PAG1: variants seen among roughly 807,000 people sequenced by gnomAD.
The protein encoded by PAG1 is phosphoprotein associated with glycosphingolipid-enriched microdomains 1.
Under a neutral mutation model 31.7 loss-of-function variants are expected in PAG1, and 23 were observed. The ratio of observed to expected loss-of-function variants is 0.73; its 90% CI spans 0.52 to 1.03. PAG1 has a LOEUF of 1.03. Among genes scored for constraint, PAG1 ranks in the 50% least tolerant of loss-of-function variants. The probability of loss-of-function intolerance (pLI) is 0.00; values close to 1 mark genes in which losing one functional copy is unlikely to be tolerated. For synonymous variants in PAG1, 214 were observed against 210.3 expected (o/e 1.02, Z -0.15); for missense variants, 473 against 540.7 (o/e 0.87, Z 1.24).
In PAG1 at chr8:80,976,757, A is replaced by C; in HGVS notation, c.1086T>G (p.Val362=). 1 of 1,614,122 alleles carries C rather than the reference A, an allele frequency of 6.2e-7. No individual in the cohort carries two copies. Among genetic ancestry groups the C allele is most frequent in the Non-Finnish European group, 8.5e-7 (1 of 1,179,990 alleles). The change falls in exon 9 of 9, where the codon GTT becomes GTG. Residue 362 remains valine (V), a synonymous_variant. Coordinates refer to ENST00000220597, the MANE Select transcript of PAG1 (RefSeq NM_018440.4). The part of the protein sequence containing the change: ...PSSCNDLYAT[V]KDFEKTPNST... ...TGTTTGGAGTTTTTTCGAAGTCTTT[A>C]ACAGTAGCATAGAGATCATTACAGG...
intron 1 of PAG1, among the ~76,000 whole-genome samples, chr8:81,107,207 C>A (rs2131139224): frequency 6.6e-6 from 1 of 152,244 alleles, no homozygotes; most frequent in Non-Finnish European, 1.5e-5. Flanking sequence ...GTGAACTAAG[C>A]TTAAGCTCTT....
At position 80,991,054 on chromosome 8, in the gene PAG1, C is replaced by T. The variant is rs572638246; in HGVS notation, c.177+425G>A. ...GATGAAGGCAGAATTTGGGGTGATG[C>T]CTGTACAAACCAAGTCACACCCAAA... is the stretch of plus-strand genomic sequence containing the variant. On this transcript the variant is annotated intron_variant, in intron 5 of 8. Coordinates refer to ENST00000220597, the MANE Select transcript of PAG1 (RefSeq NM_018440.4). Among the ~76,000 whole-genome samples, 3 of 152,160 alleles carry T rather than the reference C, an allele frequency of 2.0e-5. No individual in the cohort carries two copies. The East Asian group carries it at 5.8e-4, about 29-fold the overall frequency.
intron 2 of PAG1, among the ~76,000 whole-genome samples, chr8:81,045,250 T>C (rs1485734265): frequency 6.6e-6 from 1 of 152,218 alleles, no homozygotes; most frequent in Non-Finnish European, 1.5e-5. Flanking sequence ...ACTCCACTGA[T>C]AATGGCTGAA....
chr8:80,980,561 T>C (rs1278866823), intron 7 of PAG1, 67 bp from the exon 8 acceptor site: 17 of 994,778 alleles, frequency 1.7e-5, no homozygotes, highest in Non-Finnish European at 2.4e-5. Context: ...CTTTTGCACA[T>C]GTTTCCTCAT....
At chr8:80,985,956 T>G (rs1807410430) in intron 6 of PAG1, among the ~76,000 whole-genome samples, 1 of 106,030 alleles carries the variant, frequency 9.4e-6, no homozygotes, top group Non-Finnish European at 1.7e-5. Flanking sequence ...TACCTCAAAT[T>G]AGAAAAAAAC....
chr8:81,018,222 T>C (rs1808104381), intron 3 of PAG1, among the ~76,000 whole-genome samples: 1 of 152,256 alleles, frequency 6.6e-6, no homozygotes, highest in African/African-American at 2.4e-5. Flanking sequence ...TTATTGACTA[T>C]ATTGAATAAC....
At chr8:81,003,280 G>A (rs764473783) in intron 3 of PAG1, among the ~76,000 whole-genome samples, 37 of 152,144 alleles carry the variant, frequency 2.4e-4, no homozygotes, top group African/African-American at 7.2e-4. Flanking sequence ...AGTCTGGAGC[G>A]GGGCTCAAGA....
intron 1 of PAG1, among the ~76,000 whole-genome samples, chr8:81,099,424 T>C (rs996073570): frequency 1.3e-5 from 2 of 152,202 alleles, no homozygotes; most frequent in African/African-American, 4.8e-5. Context: ...CACATTCCAC[T>C]CTTACACATG....
At chr8:81,044,697 G>A (rs966338324) in intron 2 of PAG1, among the ~76,000 whole-genome samples, 2 of 152,116 alleles carry the variant, frequency 1.3e-5, no homozygotes, top group African/African-American at 4.8e-5. Flanking sequence ...ACACACTGAT[G>A]CACAGCCTCA....
intron 3 of PAG1, among the ~76,000 whole-genome samples, chr8:81,022,663 A>G (rs912363461): frequency 2.0e-5 from 3 of 152,214 alleles, no homozygotes; most frequent in African/African-American, 7.2e-5. Context: ...ATTTCAAAAT[A>G]GTATGAATAT....
chr8:80,998,072 A>G (rs1015351058), intron 3 of PAG1, among the ~76,000 whole-genome samples: 2 of 151,770 alleles, frequency 1.3e-5, no homozygotes, highest in African/African-American at 4.8e-5. Context: ...GTTTTAATGC[A>G]TAAGTGATTT....
At chr8:81,003,694 G>C (rs1328119720) in intron 3 of PAG1, among the ~76,000 whole-genome samples, 6 of 151,976 alleles carry the variant, frequency 3.9e-5, no homozygotes, top group African/African-American at 1.5e-4. Context: ...AGAAGCTAAG[G>C]GTTCTTTTGA....
At chr8:81,092,575 T>G (rs1234504482) in intron 1 of PAG1, among the ~76,000 whole-genome samples, 1 of 152,252 alleles carries the variant, frequency 6.6e-6, no homozygotes. Flanking sequence ...CTCTACAGAT[T>G]CAGCAACATT....
rs555613066 is a variant in PAG1 at position 81,023,594 on chromosome 8, G to GGA, written c.-81+6400_-81+6401dup. Among the ~76,000 whole-genome samples the GGA allele has an allele frequency of 1.7e-3, 263 of 150,810 alleles. 5 individuals are homozygous for GGA. The East Asian group carries it at 0.042, about 24-fold the overall frequency. On this transcript the variant is annotated intron_variant, in intron 3 of 8. Coordinates refer to ENST00000220597, the MANE Select transcript of PAG1 (RefSeq NM_018440.4). Reference sequence around the variant, plus strand: ...TGTCAGCTTATCAGGAACAATGTAAGGAGAGAGAGAGAGAGAAAGAGAGAG... The same window carrying GGA: ...TGTCAGCTTATCAGGAACAATGTAAGGAGAGAGAGAGAGAGAGAAAGAGAGAG...
chr8:81,051,363 T>C (rs970282999), intron 2 of PAG1, among the ~76,000 whole-genome samples: 8 of 152,240 alleles, frequency 5.3e-5, no homozygotes, highest in African/African-American at 7.2e-5. Flanking sequence ...TAAATTTCTA[T>C]AGAATGGCAC....
At chr8:81,029,411 A>C (rs1871767) in intron 3 of PAG1, among the ~76,000 whole-genome samples, 73,529 of 151,256 alleles carry the variant, frequency 0.49, 20,862 homozygotes, top group Non-Finnish European at 0.63. Flanking sequence ...AGAGGCATTA[A>C]AGATATGATT....
At chr8:81,055,042 C>T (rs1487664425) in intron 2 of PAG1, among the ~76,000 whole-genome samples, 1 of 151,828 alleles carries the variant, frequency 6.6e-6, no homozygotes, top group African/African-American at 2.4e-5. Flanking sequence ...GTCCAAGACA[C>T]TAACTCATCA....
chr8:81,078,026 C>T (rs930430196), intron 1 of PAG1, among the ~76,000 whole-genome samples: 1 of 152,208 alleles, frequency 6.6e-6, no homozygotes, highest in Non-Finnish European at 1.5e-5. Flanking sequence ...ATATTATTTC[C>T]GACATGGCCA....
chr8:81,065,809 ATG>A (rs944157278), intron 2 of PAG1, among the ~76,000 whole-genome samples: 25 of 150,874 alleles, frequency 1.7e-4, no homozygotes, highest in Admixed American at 3.3e-4. Flanking sequence ...ATATATATGC[ATG>A]TGTGTGTATG....
Sources: gnomAD v4.1 joint callset for allele counts (sites outside exome capture counted in the v4.1 genomes callset) on GRCh38, gnomAD v4.1.1 for gene constraint, MANE v1.5 for transcripts, NCBI Gene and HGNC (gene_info 2026-07-23, HGNC 2026-07-21) for gene names.